Variants in PHF20 observed in about 807,000 individuals in gnomAD.
PHF20 encodes the protein PHD finger protein 20.
PHF20 carries 23 observed loss-of-function variants against 113.5 expected under a neutral mutation model. The observed-to-expected ratio is 0.20, with a 90% CI of 0.15 to 0.29. PHF20 has a LOEUF of 0.29. Ranked by LOEUF, PHF20 falls within the 10% of genes least tolerant of loss-of-function variation. The pLI is 1.00. For missense variants in PHF20, 943 were observed against 1,219.6 expected (o/e 0.77, Z 3.38); for synonymous variants, 434 against 457.3 (o/e 0.95, Z 0.65).
chr20:35,876,599 G>T (rs914780083), intron 9 of PHF20, among the ~76,000 whole-genome samples: 1 of 151,962 alleles, frequency 6.6e-6, no homozygotes, highest in South Asian at 2.1e-4. Context: ...AGCCAGAGAC[G>T]AATGCAGTTG....
chr20:35,877,581 T>TC (rs1196076584), intron 9 of PHF20, among the ~76,000 whole-genome samples: 1 of 120,734 alleles, frequency 8.3e-6, no homozygotes, highest in East Asian at 2.2e-4. Context: ...TCCCACTTTC[T>TC]TTTTTTTTTT....
chr20:35,917,070 TACAG>T (rs1468546424), intron 12 of PHF20: 1 of 319,690 alleles, frequency 3.1e-6, no homozygotes, highest in Non-Finnish European at 6.2e-6. Context: ...AGCCTTTGTT[TACAG>T]AGTTTTAAAG....
chr20:35,938,790 T>C lies in PHF20; in HGVS notation c.2394T>C (p.Thr798=). ...GRSHFRNIPV[T]DTRSKEEAPS... ...CTCATTTCAGAAACATCCCTGTCAC[T>C]GACACCAGGAGCAAGGAGGAAGCTC... is the stretch of plus-strand genomic sequence containing the variant. Residue 798 remains threonine, a synonymous_variant, in exon 16 of 18, where the codon ACT becomes ACC. Transcript: ENST00000374012. 1 of 1,614,142 alleles carries C rather than the reference T, an allele frequency of 6.2e-7. No individual in the cohort carries two copies. Among genetic ancestry groups the C allele is most frequent in the Non-Finnish European group, 8.5e-7 (1 of 1,180,008 alleles).
At chr20:35,878,231 C>G (rs189302015) in intron 9 of PHF20, among the ~76,000 whole-genome samples, 3 of 152,248 alleles carry the variant, frequency 2.0e-5, no homozygotes, top group African/African-American at 7.2e-5. Context: ...AATGCGACAT[C>G]TGTTCTAGGC....
At chr20:35,863,535 C>A (rs2054258586) in intron 6 of PHF20, 135 bp downstream of exon 6, 2 of 921,094 alleles carry the variant, frequency 2.2e-6, no homozygotes, top group Admixed American at 2.9e-5. Context: ...GATCTGGAAA[C>A]AAGTTGTGTT....
chr20:35,929,806 A>G (rs2055716236), intron 14 of PHF20, among the ~76,000 whole-genome samples: 1 of 152,188 alleles, frequency 6.6e-6, no homozygotes, highest in Admixed American at 6.5e-5. Flanking sequence ...ACCTTTATAG[A>G]CTGACTCTGC....
chr20:35,780,707 C>T (rs113226660), intron 1 of PHF20, among the ~76,000 whole-genome samples: 7,204 of 148,250 alleles, frequency 0.049, 211 homozygotes, highest in African/African-American at 0.091. Context: ...CCACCACACC[C>T]GGCTAATCTT....
At chr20:35,826,924 G>A (rs573371492) in intron 2 of PHF20, among the ~76,000 whole-genome samples, 1 of 152,226 alleles carries the variant, frequency 6.6e-6, no homozygotes, top group South Asian at 2.1e-4. Flanking sequence ...GTGGTGAAGG[G>A]GTAGGGAAAG....
At chr20:35,852,104 C>G (rs577193370) in intron 4 of PHF20, among the ~76,000 whole-genome samples, 1 of 152,264 alleles carries the variant, frequency 6.6e-6, no homozygotes, top group African/African-American at 2.4e-5. Flanking sequence ...AGGAACTAAG[C>G]TCACAGGGGG....
chr20:35,816,337 C>A (rs2042073240), intron 2 of PHF20, among the ~76,000 whole-genome samples: 1 of 152,006 alleles, frequency 6.6e-6, no homozygotes, highest in East Asian at 1.9e-4. Flanking sequence ...GTTACAATAT[C>A]AATATTACTA....
chr20:35,832,495 T>C (rs1310854921), intron 2 of PHF20, among the ~76,000 whole-genome samples: 4 of 152,032 alleles, frequency 2.6e-5, no homozygotes, highest in Non-Finnish European at 4.4e-5. Context: ...TTAGGGTAAA[T>C]GCTATGAAGG....
chr20:35,873,105 A>ATT (rs113938713), intron 9 of PHF20, among the ~76,000 whole-genome samples: 7,255 of 144,714 alleles, frequency 0.05, 247 homozygotes, highest in African/African-American at 0.1. Context: ...CACATTTATA[A>ATT]TTTTTTTTTT....
chr20:35,875,287 A>T (rs2054499564), intron 9 of PHF20, among the ~76,000 whole-genome samples: 1 of 151,514 alleles, frequency 6.6e-6, no homozygotes, highest in South Asian at 2.1e-4. Context: ...AGTCCCAGCT[A>T]CTCTGGAGAT....
At position 35,912,020 on chromosome 20, in the gene PHF20, C is replaced by G. The variant is rs143952659; in HGVS notation, c.1562-1229C>G. ...TCTTTGAGATGGAGTCTCGCTCTGTCGCCAGGCTGGAGTGCAATGACATGA... is the reference window on the plus strand; with the variant it reads ...TCTTTGAGATGGAGTCTCGCTCTGTGGCCAGGCTGGAGTGCAATGACATGA... On this transcript the variant is annotated intron_variant, in intron 10 of 17. Transcript: ENST00000374012. Among the ~76,000 whole-genome samples the G allele has an allele frequency of 8.9e-3, 1,260 of 141,230 alleles. 10 individuals are homozygous for G. Among genetic ancestry groups the G allele is most frequent in the Non-Finnish European group, 0.014 (905 of 65,370 alleles). 92.7% of individuals were successfully genotyped at this position (141,230 alleles called of 152,430 possible).
At chr20:35,815,825 A>C (rs1421956677) in intron 2 of PHF20, among the ~76,000 whole-genome samples, 1 of 152,178 alleles carries the variant, frequency 6.6e-6, no homozygotes, top group Non-Finnish European at 1.5e-5. Context: ...CCCAGAAGGC[A>C]GAAGTTGTAG....
At chr20:35,845,492 A>G in intron 3 of PHF20, 1 of 236,602 alleles carries the variant, frequency 4.2e-6, no homozygotes, top group South Asian at 4.2e-5. Context: ...CAGCCTCCTG[A>G]GTACCTGGGA....
chr20:35,889,508 C>T lies in PHF20; in HGVS notation c.1283-9862C>T, dbSNP rs146689299. On this transcript the variant is annotated intron_variant, in intron 9 of 17. Coordinates refer to ENST00000374012, the MANE Select transcript of PHF20 (RefSeq NM_016436.5). Reference sequence around the variant, plus strand: ...TCCCGAGTAGCTGGGACAATAGGCACGCACCACCACGCCCGGATAAATTTT... The same window carrying T: ...TCCCGAGTAGCTGGGACAATAGGCATGCACCACCACGCCCGGATAAATTTT... Among the ~76,000 whole-genome samples the T allele has an allele frequency of 2.4e-3, 357 of 151,644 alleles. 3 individuals carry two copies. Among genetic ancestry groups the T allele is most frequent in the Admixed American group, 0.02 (297 of 15,192 alleles).
At position 35,801,501 on chromosome 20, in the gene PHF20, G is replaced by C. The variant is rs766341398; in HGVS notation, c.-22G>C. On this transcript the variant is annotated 5_prime_UTR_variant, in exon 2 of 18. Coordinates refer to ENST00000374012, the MANE Select transcript of PHF20 (RefSeq NM_016436.5). ...AATTGGCTTTTTCAGGAGAATAAAGGCAGCCCCGTTGATGACTGAAAATGA... is the reference window on the plus strand; with the variant it reads ...AATTGGCTTTTTCAGGAGAATAAAGCCAGCCCCGTTGATGACTGAAAATGA... The C allele has an allele frequency of 1.3e-6, 2 of 1,578,092 alleles. No individual in the cohort carries two copies.
At chr20:35,806,162 A>AT (rs1299032685) in intron 2 of PHF20, among the ~76,000 whole-genome samples, 15,808 of 123,742 alleles carry the variant, frequency 0.13, 2,411 homozygotes, top group African/African-American at 0.37. Context: ...CATGCCTGGC[A>AT]TTTTTTTTTT....
Sources: allele counts gnomAD v4.1 joint callset (sites outside exome capture counted in the v4.1 genomes callset), GRCh38; gene constraint gnomAD v4.1.1; transcripts MANE v1.5; gene names NCBI Gene and HGNC (gene_info 2026-07-23, HGNC 2026-07-21).